Variants in BTBD16 observed in about 807,000 individuals in gnomAD.
BTBD16 encodes BTB domain containing 16.
A neutral mutation model predicts 67.4 loss-of-function variants in BTBD16; 66 were observed. The observed-to-expected ratio is 0.98, with a 90% CI of 0.80 to 1.20. BTBD16 has a LOEUF of 1.20. BTBD16 is among the 50% of genes most tolerant of loss of function. The pLI, the probability that BTBD16 is intolerant of heterozygous loss-of-function variation, is 0.00. For synonymous variants in BTBD16, 242 were observed against 236.4 expected (o/e 1.02, Z -0.22); for missense variants, 634 against 616.0 (o/e 1.03, Z -0.31).
At chr10:122,334,193 AC>A (rs1235305643) in intron 13 of BTBD16, among the ~76,000 whole-genome samples, 4 of 102,428 alleles carry the variant, frequency 3.9e-5, no homozygotes, top group African/African-American at 1.5e-4. Context: ...TGTCCTCTTG[AC>A]TTTTTTTTTT....
intron 5 of BTBD16, among the ~76,000 whole-genome samples, chr10:122,286,673 G>T (rs1490609533): frequency 6.6e-6 from 1 of 152,128 alleles, no homozygotes; most frequent in Non-Finnish European, 1.5e-5. Context: ...GGCTTGTTTG[G>T]CCCTAAGTAT....
At chr10:122,287,025 G>T (rs1262295825) in intron 5 of BTBD16, among the ~76,000 whole-genome samples, 4 of 152,180 alleles carry the variant, frequency 2.6e-5, no homozygotes, top group Non-Finnish European at 4.4e-5. Context: ...TGTTATTCTA[G>T]AGCCAGACAG....
intron 10 of BTBD16, 74 bp from the exon 11 acceptor site, chr10:122,329,406 C>A: frequency 6.8e-7 from 1 of 1,465,108 alleles, no homozygotes; most frequent in Non-Finnish European, 9.5e-7. Flanking sequence ...TACAACATGG[C>A]TTTCCCTAGC....
At chr10:122,298,828 C>T (rs1416984468) in intron 8 of BTBD16, among the ~76,000 whole-genome samples, 176 bp from the exon 9 acceptor site, 3 of 152,124 alleles carry the variant, frequency 2.0e-5, no homozygotes, top group Admixed American at 6.5e-5. Flanking sequence ...TGCAGCGCCT[C>T]GAGCATAGAA....
At chr10:122,315,489 C>T (rs941408536) in intron 10 of BTBD16, among the ~76,000 whole-genome samples, 1 of 152,150 alleles carries the variant, frequency 6.6e-6, no homozygotes, top group Non-Finnish European at 1.5e-5. Flanking sequence ...TCCTTACCAG[C>T]TTTTAATTAA....
At chr10:122,312,719 AG>A (rs1447495899) in intron 10 of BTBD16, among the ~76,000 whole-genome samples, 1 of 152,050 alleles carries the variant, frequency 6.6e-6, no homozygotes, top group Non-Finnish European at 1.5e-5. Flanking sequence ...TATATTTGTT[AG>A]CCATTGGGTA....
At chr10:122,320,946 C>T (rs1310082435) in intron 10 of BTBD16, among the ~76,000 whole-genome samples, 1 of 151,862 alleles carries the variant, frequency 6.6e-6, no homozygotes, top group Non-Finnish European at 1.5e-5. Context: ...TACAATGGAC[C>T]CTGTCACCCA....
rs896867752 is a variant in BTBD16, at chr10:122,290,108, T to C, written c.475+110T>C. 1.0e-5 allele frequency: 7 copies of C among 702,734 alleles called. No individual in the cohort carries two copies. In the South Asian group the frequency reaches 1.4e-4, roughly 14 times the overall value. The allele number at this position is 702,734 out of a possible 1,614,324, so 43.5% of individuals were successfully genotyped here. ...CAAAACAAACCAACAGTAGACAGTGTTCAGTGCTTTCTTATTAAAAAGGCC... is the reference window on the plus strand; with the variant it reads ...CAAAACAAACCAACAGTAGACAGTGCTCAGTGCTTTCTTATTAAAAAGGCC... On this transcript the variant is annotated intron_variant, in intron 6 of 15. Transcript: ENST00000260723.
At chr10:122,324,676 C>A (rs1034975530) in intron 10 of BTBD16, among the ~76,000 whole-genome samples, 3 of 151,506 alleles carry the variant, frequency 2.0e-5, no homozygotes, top group African/African-American at 7.2e-5. Context: ...ATCTGACGTT[C>A]ATGCTTCTTG....
chr10:122,281,588 T>C (rs7076232), intron 3 of BTBD16, among the ~76,000 whole-genome samples: 12,657 of 152,124 alleles, frequency 0.083, 761 homozygotes, highest in African/African-American at 0.17. Context: ...TAACACATCA[T>C]AACTCCATTT....
chr10:122,334,281 T>C (rs1261372779), intron 13 of BTBD16, among the ~76,000 whole-genome samples: 3 of 150,708 alleles, frequency 2.0e-5, no homozygotes, highest in Non-Finnish European at 4.4e-5. Flanking sequence ...CTGCAAGCTC[T>C]GCCTCCTGGG....
chr10:122,279,479 C>T (rs1261642765), intron 3 of BTBD16, among the ~76,000 whole-genome samples: 1 of 142,238 alleles, frequency 7.0e-6, no homozygotes, highest in Non-Finnish European at 1.5e-5. Context: ...GGAGATTTGT[C>T]TCTAAAAATA....
At chr10:122,295,267 G>A (rs1333516939) in intron 7 of BTBD16, 1 of 977,206 alleles carries the variant, frequency 1.0e-6, no homozygotes, top group Non-Finnish European at 1.2e-6. Context: ...AAGAGGAGGT[G>A]GTGCTGGACC....
intron 10 of BTBD16, among the ~76,000 whole-genome samples, chr10:122,309,778 T>TG (rs2142097376): frequency 6.6e-6 from 1 of 150,714 alleles, no homozygotes; most frequent in South Asian, 2.1e-4. Context: ...GAGTACATTT[T>TG]TTTTTTTTTT....
intron 8 of BTBD16, 96 bp downstream of exon 8, chr10:122,297,933 A>G: frequency 9.5e-7 from 1 of 1,050,784 alleles, no homozygotes. Context: ...ACTTCCCCCC[A>G]GAATATCTAT....
chr10:122,310,285 C>T (rs1024234107), intron 10 of BTBD16, among the ~76,000 whole-genome samples: 3 of 152,198 alleles, frequency 2.0e-5, no homozygotes, highest in South Asian at 2.1e-4. Context: ...AGTAGATTAG[C>T]GGTGTCTATC....
chr10:122,292,681 G>T (rs1403869811), intron 7 of BTBD16, among the ~76,000 whole-genome samples: 1 of 152,204 alleles, frequency 6.6e-6, no homozygotes, highest in Non-Finnish European at 1.5e-5. Flanking sequence ...CAACTTCTTA[G>T]GCTCCTCTGG....
At chr10:122,290,839 G>A (rs1416927635) in intron 6 of BTBD16, among the ~76,000 whole-genome samples, 2 of 152,190 alleles carry the variant, frequency 1.3e-5, no homozygotes, top group Non-Finnish European at 2.9e-5. Flanking sequence ...CCTGAGAACA[G>A]GCTTAAAGGA....
intron 5 of BTBD16, among the ~76,000 whole-genome samples, chr10:122,288,909 T>C (rs1590057163): frequency 6.6e-6 from 1 of 152,008 alleles, no homozygotes; most frequent in Admixed American, 6.6e-5. Flanking sequence ...CATGTGGGAA[T>C]TGGGGCTGCT....
Sources: allele counts gnomAD v4.1 joint callset (sites outside exome capture counted in the v4.1 genomes callset), GRCh38; gene constraint gnomAD v4.1.1; transcripts MANE v1.5; gene names NCBI Gene and HGNC (gene_info 2026-07-23, HGNC 2026-07-21).